Variants in ARIH2 observed in about 807,000 individuals in gnomAD.
ARIH2 encodes the protein E3 ubiquitin-protein ligase ARIH2.
Under a neutral mutation model 79.8 loss-of-function variants are expected in ARIH2, and 12 were observed. That is an observed-to-expected ratio of 0.15 (90% CI 0.10 to 0.24). ARIH2 has a LOEUF of 0.24. Among genes scored for constraint, ARIH2 ranks in the 10% least tolerant of loss-of-function variants. The probability of loss-of-function intolerance (pLI) is 1.00; values close to 1 mark genes in which losing one functional copy is unlikely to be tolerated. For missense variants in ARIH2, 301 were observed against 618.3 expected, an observed-to-expected ratio of 0.49 and a Z score of 5.44; for synonymous variants, 224 against 213.9, an observed-to-expected ratio of 1.05 and a Z score of -0.41.
At chr3:48,936,254 T>G (rs896772075) in intron 3 of ARIH2, among the ~76,000 whole-genome samples, 1 of 152,158 alleles carries the variant, frequency 6.6e-6, no homozygotes, top group Non-Finnish European at 1.5e-5. Flanking sequence ...GGATTAGATT[T>G]GTCTTCCCCA....
At chr3:48,919,286 T>A in intron 1 of ARIH2, 1 of 1,075,958 alleles carries the variant, frequency 9.3e-7, no homozygotes, top group Non-Finnish European at 1.2e-6. Flanking sequence ...TCTCCCTGTC[T>A]GGCGCGGCGG....
intron 3 of ARIH2, among the ~76,000 whole-genome samples, chr3:48,949,938 T>C (rs2089736691): frequency 6.6e-6 from 1 of 152,090 alleles, no homozygotes; most frequent in Non-Finnish European, 1.5e-5. Flanking sequence ...ATCTTTATTT[T>C]CTTTTTTTAA....
intron 7 of ARIH2, among the ~76,000 whole-genome samples, chr3:48,970,096 T>C (rs1041887512): frequency 8.5e-5 from 13 of 152,154 alleles, no homozygotes; most frequent in Non-Finnish European, 1.9e-4. Context: ...TTCACCATGT[T>C]GGCCAGGCTG....
At chr3:48,965,081 G>T in intron 5 of ARIH2, 99 bp downstream of exon 5, 3 of 1,170,506 alleles carry the variant, frequency 2.6e-6, no homozygotes, top group Middle Eastern at 2.1e-4. Context: ...GGCTGGGTGC[G>T]GTGTGGCTCA....
intron 1 of ARIH2, among the ~76,000 whole-genome samples, chr3:48,920,137 A>G (rs1246900814): frequency 6.6e-6 from 1 of 151,748 alleles, no homozygotes; most frequent in Non-Finnish European, 1.5e-5. Context: ...GTACCACCAC[A>G]CCTGGCTAAT....
chr3:48,969,813 C>T (rs1450297068), intron 7 of ARIH2, among the ~76,000 whole-genome samples: 1 of 151,704 alleles, frequency 6.6e-6, no homozygotes, highest in African/African-American at 2.4e-5. Flanking sequence ...TTGTCATGCA[C>T]ATGCCGCAGG....
At chr3:48,946,473 T>C (rs912879376) in intron 3 of ARIH2, among the ~76,000 whole-genome samples, 1 of 151,012 alleles carries the variant, frequency 6.6e-6, no homozygotes, top group African/African-American at 2.4e-5. Flanking sequence ...AAACAGACTA[T>C]AGAGGATGAC....
chr3:48,946,634 A>G (rs1237415911), intron 3 of ARIH2, among the ~76,000 whole-genome samples: 3 of 152,056 alleles, frequency 2.0e-5, no homozygotes, highest in Non-Finnish European at 4.4e-5. Flanking sequence ...ACAAAGCCAT[A>G]TTGGATTGAG....
intron 3 of ARIH2, among the ~76,000 whole-genome samples, chr3:48,959,649 C>CAAAAAAAAAA (rs71077758): frequency 2.5e-3 from 126 of 50,100 alleles, no homozygotes; most frequent in African/African-American, 3.4e-3. Flanking sequence ...TAAAAAATAC[C>CAAAAAAAAAA]AAAAAAAAAA....
chr3:48,976,142 C>G (rs971183969), intron 11 of ARIH2, among the ~76,000 whole-genome samples: 1 of 151,176 alleles, frequency 6.6e-6, no homozygotes, highest in African/African-American at 2.4e-5. Context: ...CAACTCTTGA[C>G]CTCAGGTGAT....
chr3:48,929,653 A>G (rs2106960052), intron 3 of ARIH2, among the ~76,000 whole-genome samples: 1 of 152,312 alleles, frequency 6.6e-6, no homozygotes, highest in South Asian at 2.1e-4. Context: ...ACATTTTGGC[A>G]TGATCTCTCC....
At chr3:48,969,635 GCAC>G (rs1045507556) in intron 7 of ARIH2, among the ~76,000 whole-genome samples, 1 of 151,582 alleles carries the variant, frequency 6.6e-6, no homozygotes, top group African/African-American at 2.4e-5. Flanking sequence ...CTACTGGCGC[GCAC>G]CACCAAACCC....
rs2092898680 is a variant in ARIH2 at position 48,986,291 on chromosome 3, C to T, written c.*3021C>T. ...ACGTGCTCTAGCTTCCAGGAGCTTC[C>T]AATCCATGGGGAACATAGAAGGAAT... On this transcript the variant is annotated 3_prime_UTR_variant, in exon 16 of 16. Coordinates refer to ENST00000356401, the MANE Select transcript of ARIH2 (RefSeq NM_006321.4). 1 of 152,182 alleles carries T rather than the reference C, an allele frequency of 6.6e-6. No homozygotes were observed. The highest frequency in any genetic ancestry group is 1.5e-5 in the Non-Finnish European group (1 of 68,056). 9.4% of individuals were successfully genotyped at this position (152,182 alleles called of 1,614,324 possible). A position where few individuals can be genotyped will look rare whatever the true frequency, so the allele number is the denominator to read the frequency against.
chr3:48,965,816 C>T (rs1224553737), intron 5 of ARIH2, among the ~76,000 whole-genome samples: 1 of 152,102 alleles, frequency 6.6e-6, no homozygotes, highest in Non-Finnish European at 1.5e-5. Flanking sequence ...CAAAAATTAG[C>T]CAGGCCTGGT....
intron 3 of ARIH2, chr3:48,949,066 A>G (rs2089606279): frequency 4.4e-6 from 2 of 456,606 alleles, no homozygotes; most frequent in African/African-American, 2.0e-5. Context: ...TCTTGTATAG[A>G]TAACTAGGAG....
chr3:48,950,065 A>G (rs1023987254), intron 3 of ARIH2, among the ~76,000 whole-genome samples: 2 of 152,218 alleles, frequency 1.3e-5, no homozygotes, highest in African/African-American at 4.8e-5. Context: ...TAGGTTTTAC[A>G]TTTAGATATG....
chr3:48,965,376 C>G (rs2091684889), intron 5 of ARIH2, among the ~76,000 whole-genome samples: 2 of 151,886 alleles, frequency 1.3e-5, no homozygotes, highest in Admixed American at 1.3e-4. Context: ...AAAAGGAGCT[C>G]TCTTTGCTTT....
At chr3:48,980,142 A>G (rs1297357628) in intron 12 of ARIH2, 2 of 436,468 alleles carry the variant, frequency 4.6e-6, no homozygotes, top group Non-Finnish European at 8.1e-6. Flanking sequence ...CTGTTGCCCC[A>G]GAAGGGTAGA....
chr3:48,928,625 T>G (rs2085953666), intron 3 of ARIH2, among the ~76,000 whole-genome samples: 1 of 152,224 alleles, frequency 6.6e-6, no homozygotes, highest in South Asian at 2.1e-4. Flanking sequence ...AAAGGGCACC[T>G]TGGCATGATG....
Sources: allele counts gnomAD v4.1 joint callset (sites outside exome capture counted in the v4.1 genomes callset), GRCh38; gene constraint gnomAD v4.1.1; transcripts MANE v1.5; gene names NCBI Gene and HGNC (gene_info 2026-07-23, HGNC 2026-07-21).